The following ANO6 variants were observed in gnomAD, a reference collection of about 807,000 sequenced individuals.
The protein encoded by ANO6 is anoctamin-6.
A neutral mutation model predicts 117.5 loss-of-function variants in ANO6; 106 were observed. That is an observed-to-expected ratio of 0.90 (90% CI 0.77 to 1.06). ANO6 has a LOEUF of 1.06. Ranked by LOEUF, ANO6 falls within the 50% of genes least tolerant of loss-of-function variation. The pLI, the probability that ANO6 is intolerant of heterozygous loss-of-function variation, is 0.00. For missense variants in ANO6, 955 were observed against 1,121.1 expected (o/e 0.85, Z 2.12); for synonymous variants, 367 against 385.1 (o/e 0.95, Z 0.55).
chr12:45,439,734 C>G, exon 20 of ANO6: 2 of 1,546,610 alleles, frequency 1.3e-6, no homozygotes, highest in Non-Finnish European at 1.7e-6. Context: ...ACTGCAACCT[C>G]CGCCTCCCAG....
At chr12:45,363,595 T>C (rs888917502) in intron 8 of ANO6, among the ~76,000 whole-genome samples, 1 of 150,838 alleles carries the variant, frequency 6.6e-6, no homozygotes, top group Non-Finnish European at 1.5e-5. Context: ...GGGTGTTCAG[T>C]CTGTGTTTCT....
intron 1 of ANO6, among the ~76,000 whole-genome samples, chr12:45,286,633 C>T (rs546553597): frequency 5.6e-4 from 85 of 152,338 alleles, no homozygotes; most frequent in East Asian, 3.7e-3. Flanking sequence ...CAACAGCTAT[C>T]TTCCTAAAGC....
rs578060366 is a variant in ANO6, at chr12:45,277,124, C to T, written c.71-24890C>T. Reference sequence around the variant, plus strand: ...TTTAGCTCTTTTTCACCTACTCCAGCCCCCTTCCCTTCTCTCACAAACTTT... The same window carrying T: ...TTTAGCTCTTTTTCACCTACTCCAGTCCCCTTCCCTTCTCTCACAAACTTT... On this transcript the variant is annotated intron_variant, in intron 1 of 19. Coordinates refer to ENST00000320560, the MANE Select transcript of ANO6 (RefSeq NM_001025356.3). 3.2e-4 allele frequency among the ~76,000 whole-genome samples: 49 copies of T among 152,242 alleles called. No homozygotes were observed. The South Asian group carries it at 9.9e-3, about 31-fold the overall frequency.
rs34469037 is a variant in ANO6, at chr12:45,358,475, TA to T, written c.998+1063del. ...TGTTGGTTTGTACATTGTTCTAGTT[TA>T]AAAAAAAAAAATCAAAAATACATTT... On this transcript the variant is annotated intron_variant, in intron 8 of 19. Transcript: ENST00000320560. Among the ~76,000 whole-genome samples, 796 of 147,532 alleles carry T rather than the reference TA, an allele frequency of 5.4e-3. 21 individuals carry two copies. The East Asian group carries it at 0.089, about 17-fold the overall frequency.
chr12:45,231,189 A>G (rs1947568398), intron 1 of ANO6, among the ~76,000 whole-genome samples: 1 of 152,258 alleles, frequency 6.6e-6, no homozygotes, highest in Admixed American at 6.5e-5. Flanking sequence ...AAAGTTTGAT[A>G]TCAAATATAA....
chr12:45,320,531 A>G, intron 2 of ANO6, among the ~76,000 whole-genome samples: 1 of 152,158 alleles, frequency 6.6e-6, no homozygotes. Context: ...GGAGTGCTTT[A>G]CTTCCAACTA....
At chr12:45,360,794 T>C (rs1941535329) in intron 8 of ANO6, among the ~76,000 whole-genome samples, 1 of 152,220 alleles carries the variant, frequency 6.6e-6, no homozygotes, top group South Asian at 2.1e-4. Context: ...AGGGTCCTGC[T>C]TTATCATTTT....
intron 12 of ANO6, among the ~76,000 whole-genome samples, chr12:45,398,400 A>C (rs1325735551): frequency 6.6e-6 from 1 of 152,242 alleles, no homozygotes; most frequent in Non-Finnish European, 1.5e-5. Flanking sequence ...TACAACAGTC[A>C]ACTACTCCAA....
rs542994730 is a variant in ANO6 at position 45,272,223 on chromosome 12, G to C, written c.71-29791G>C. Among the ~76,000 whole-genome samples the C allele has an allele frequency of 7.4e-4, 111 of 149,126 alleles. 1 individual carries two copies. Among genetic ancestry groups the C allele is most frequent in the Non-Finnish European group, 1.4e-3 (94 of 67,510 alleles). ...TTTCTTTTTTTTTTGCTGCTATGTA[G>C]GTGAAAAATTTAACAAAAACTACTA... On this transcript the variant is annotated intron_variant, in intron 1 of 19. Transcript: ENST00000320560.
intron 1 of ANO6, among the ~76,000 whole-genome samples, chr12:45,273,675 G>C (rs1444998734): frequency 6.6e-6 from 1 of 152,146 alleles, no homozygotes; most frequent in Non-Finnish European, 1.5e-5. Flanking sequence ...CAACAAATTG[G>C]GTTCTTTGCT....
chr12:45,429,786 T>TA lies in ANO6; in HGVS notation c.*480dup. On this transcript the variant is annotated 3_prime_UTR_variant, in exon 20 of 20. Coordinates refer to ENST00000320560, the MANE Select transcript of ANO6 (RefSeq NM_001025356.3). Reference sequence around the variant, plus strand: ...TTTAATTTAATAGCTTTCATGTGATTAAAAATAGCTAACTAGACTCAAGGA... The same window carrying TA: ...TTTAATTTAATAGCTTTCATGTGATTAAAAAATAGCTAACTAGACTCAAGGA... 2 of 996,974 alleles carry TA rather than the reference T, an allele frequency of 2.0e-6. No individual in the cohort carries two copies. Among genetic ancestry groups the TA allele is most frequent in the Non-Finnish European group, 2.4e-6 (2 of 836,426 alleles). The allele number at this position is 996,974 out of a possible 1,614,324, so 61.8% of individuals were successfully genotyped here. A position where few individuals can be genotyped will look rare whatever the true frequency, so the allele number is the denominator to read the frequency against.
chr12:45,395,013 A>G (rs1942569983), intron 12 of ANO6, among the ~76,000 whole-genome samples: 1 of 152,226 alleles, frequency 6.6e-6, no homozygotes, highest in South Asian at 2.1e-4. Flanking sequence ...AAAAGATAAG[A>G]GACACAAAAA....
intron 10 of ANO6, among the ~76,000 whole-genome samples, chr12:45,386,567 A>G (rs1942304543): frequency 6.6e-6 from 1 of 152,172 alleles, no homozygotes; most frequent in Non-Finnish European, 1.5e-5. Context: ...TTGCTGCATC[A>G]TGTACCTGCC....
intron 2 of ANO6, among the ~76,000 whole-genome samples, chr12:45,312,634 A>G (rs1939883852): frequency 6.6e-6 from 1 of 152,086 alleles, no homozygotes; most frequent in Non-Finnish European, 1.5e-5. Flanking sequence ...TATAAGTCTC[A>G]AATGTATTCC....
At chr12:45,385,695 T>C (rs966715872) in intron 10 of ANO6, among the ~76,000 whole-genome samples, 10 of 152,146 alleles carry the variant, frequency 6.6e-5, no homozygotes, top group African/African-American at 2.2e-4. Context: ...AAGAAGCCAA[T>C]ACTCACTTCA....
chr12:45,327,658 G>T (rs916697484), intron 2 of ANO6, among the ~76,000 whole-genome samples: 6 of 152,042 alleles, frequency 3.9e-5, no homozygotes, highest in Admixed American at 2.6e-4. Flanking sequence ...GTATCATTTT[G>T]GTTAGTGTGT....
At chr12:45,411,647 A>G (rs1943088809) in intron 16 of ANO6, among the ~76,000 whole-genome samples, 2 of 152,160 alleles carry the variant, frequency 1.3e-5, no homozygotes, top group South Asian at 2.1e-4. Context: ...TTGTGGCTCT[A>G]ACTGCTTAAG....
rs566908632 is a variant in ANO6, at chr12:45,403,466, C to T, written c.1810C>T (p.Leu604=). The T allele has an allele frequency of 1.9e-6, 3 of 1,613,884 alleles. No individual in the cohort carries two copies. The change falls in exon 15 of 20, where the codon CTG becomes TTG. Residue 604 remains leucine, a synonymous_variant. Coordinates refer to ENST00000320560, the MANE Select transcript of ANO6 (RefSeq NM_001025356.3). ...ECDPGGCLLE[L]TTQLTIIMGG... ...TGACCCAGGTGGCTGTCTTCTTGAA[C>T]TGACAACTCAGCTGACAATAATCAT... is the stretch of plus-strand genomic sequence containing the variant.
chr12:45,438,832 C>A (rs185834652), intron 19 of ANO6, among the ~76,000 whole-genome samples: 1 of 152,134 alleles, frequency 6.6e-6, no homozygotes, highest in Admixed American at 6.5e-5. Flanking sequence ...ATCCTGTAAG[C>A]CATATGCAGG....
Sources: gnomAD v4.1 joint callset for allele counts (sites outside exome capture counted in the v4.1 genomes callset) on GRCh38, gnomAD v4.1.1 for gene constraint, MANE v1.5 for transcripts, NCBI Gene and HGNC (gene_info 2026-07-23, HGNC 2026-07-21) for gene names.